CNTNAP4: variants seen among roughly 807,000 people sequenced by gnomAD.
The protein encoded by CNTNAP4 is contactin associated protein family member 4, also known as contactin-associated protein-like 4.
CNTNAP4 carries 98 observed loss-of-function variants against 148.4 expected under a neutral mutation model. That is an observed-to-expected ratio of 0.66 (90% CI 0.56 to 0.78). The LOEUF (loss-of-function observed/expected upper bound fraction) is 0.78. Ranked by LOEUF, CNTNAP4 falls within the 30% of genes least tolerant of loss-of-function variation. CNTNAP4 has a pLI of 0.00. For synonymous variants in CNTNAP4, 730 were observed against 565.1 expected, an observed-to-expected ratio of 1.29 and a Z score of -4.14; for missense variants, 1,935 against 1,565.6, an observed-to-expected ratio of 1.24 and a Z score of -3.98.
At chr16:76,478,957 C>G (rs1474874775) in intron 11 of CNTNAP4, among the ~76,000 whole-genome samples, 1 of 151,974 alleles carries the variant, frequency 6.6e-6, no homozygotes, top group Non-Finnish European at 1.5e-5. Context: ...TAAAGTGTTT[C>G]TGTTGTATAA....
At chr16:76,359,063 G>C (rs529917060) in intron 3 of CNTNAP4, among the ~76,000 whole-genome samples, 1 of 152,260 alleles carries the variant, frequency 6.6e-6, no homozygotes, top group South Asian at 2.1e-4. Context: ...TTTTCTGCCT[G>C]GAAGAACACA....
At chr16:76,484,275 GAAAAAA>G (rs10622949) in intron 12 of CNTNAP4, among the ~76,000 whole-genome samples, 2 of 71,228 alleles carry the variant, frequency 2.8e-5, no homozygotes, top group East Asian at 9.5e-4. Context: ...GGAGAGAAAT[GAAAAAA>G]AAAAAAAAAA....
At chr16:76,372,059 A>G (rs1465128064) in intron 3 of CNTNAP4, among the ~76,000 whole-genome samples, 1 of 151,808 alleles carries the variant, frequency 6.6e-6, no homozygotes, top group Non-Finnish European at 1.5e-5. Context: ...AATCAACCGA[A>G]TTTCCAATTC....
chr16:76,341,140 A>C (rs1198206938), intron 2 of CNTNAP4, among the ~76,000 whole-genome samples: 1 of 152,138 alleles, frequency 6.6e-6, no homozygotes, highest in Non-Finnish European at 1.5e-5. Context: ...CATTCCTGTT[A>C]GTCCTTCAGT....
At chr16:76,539,344 T>C (rs1175170400) in intron 19 of CNTNAP4, among the ~76,000 whole-genome samples, 2 of 152,054 alleles carry the variant, frequency 1.3e-5, no homozygotes, top group Non-Finnish European at 1.5e-5. Flanking sequence ...TTCCAGAGTG[T>C]GAGATATATT....
chr16:76,369,127 C>T (rs2014502936), intron 3 of CNTNAP4, among the ~76,000 whole-genome samples: 1 of 151,286 alleles, frequency 6.6e-6, no homozygotes, highest in Admixed American at 6.6e-5. Flanking sequence ...AAAGTATCTT[C>T]AACCTCATTC....
At chr16:76,488,721 G>A (rs2082111342) in intron 12 of CNTNAP4, among the ~76,000 whole-genome samples, 2 of 152,226 alleles carry the variant, frequency 1.3e-5, no homozygotes, top group South Asian at 4.1e-4. Context: ...TAAATCAGAG[G>A]CTTTTTGATT....
At chr16:76,471,101 CACAA>C (rs2081356545) in intron 10 of CNTNAP4, among the ~76,000 whole-genome samples, 2 of 152,064 alleles carry the variant, frequency 1.3e-5, no homozygotes, top group South Asian at 2.1e-4. Context: ...CGCAAACACA[CACAA>C]ACACACACAT....
chr16:76,493,905 T>C (rs1198022823), intron 13 of CNTNAP4, among the ~76,000 whole-genome samples: 3 of 152,222 alleles, frequency 2.0e-5, no homozygotes, highest in African/African-American at 7.2e-5. Flanking sequence ...CATTGGCATT[T>C]ATAAGCAAGG....
intron 1 of CNTNAP4, among the ~76,000 whole-genome samples, chr16:76,281,649 G>T (rs561074686): frequency 1.3e-5 from 2 of 151,942 alleles, no homozygotes; most frequent in African/African-American, 2.4e-5. Context: ...TTTTGTTAAA[G>T]AAAATAGATT....
intron 2 of CNTNAP4, among the ~76,000 whole-genome samples, chr16:76,329,242 T>C (rs1043006760): frequency 1.2e-4 from 19 of 152,142 alleles, no homozygotes; most frequent in Admixed American, 7.9e-4. Context: ...GATGGGTGTT[T>C]AGGCATCCAT....
At chr16:76,380,245 G>C (rs907671164) in intron 3 of CNTNAP4, among the ~76,000 whole-genome samples, 1 of 152,138 alleles carries the variant, frequency 6.6e-6, no homozygotes, top group African/African-American at 2.4e-5. Context: ...ATGGAAATCA[G>C]GTGAAGTTGA....
At chr16:76,441,334 C>G (rs2080030819) in intron 4 of CNTNAP4, among the ~76,000 whole-genome samples, 2 of 152,172 alleles carry the variant, frequency 1.3e-5, no homozygotes, top group Admixed American at 6.6e-5. Context: ...AATACTACAT[C>G]TGACACAACT....
At chr16:76,484,821 T>C (rs2081968223) in intron 12 of CNTNAP4, among the ~76,000 whole-genome samples, 1 of 152,220 alleles carries the variant, frequency 6.6e-6, no homozygotes. Flanking sequence ...AGATCAGGTA[T>C]AATGACTGCT....
At chr16:76,325,265 G>A (rs567735751) in intron 2 of CNTNAP4, among the ~76,000 whole-genome samples, 96 of 152,114 alleles carry the variant, frequency 6.3e-4, no homozygotes, top group South Asian at 1.0e-3. Flanking sequence ...ATTAAAATAT[G>A]TAATGTATAT....
At chr16:76,318,838 AT>A (rs1405136453) in intron 2 of CNTNAP4, among the ~76,000 whole-genome samples, 2 of 151,264 alleles carry the variant, frequency 1.3e-5, no homozygotes, top group Non-Finnish European at 2.9e-5. Flanking sequence ...TTCTCATAAT[AT>A]TTCAGTCAGG....
At chr16:76,532,799 G>A (rs1487654464) in intron 17 of CNTNAP4, among the ~76,000 whole-genome samples, 1 of 152,054 alleles carries the variant, frequency 6.6e-6, no homozygotes, top group African/African-American at 2.4e-5. Context: ...TTTGAGCCCT[G>A]GGAGCTCACT....
intron 7 of CNTNAP4, among the ~76,000 whole-genome samples, chr16:76,450,687 C>A (rs1291422334): frequency 6.6e-6 from 1 of 152,178 alleles, no homozygotes; most frequent in Non-Finnish European, 1.5e-5. Flanking sequence ...GGTTGTGTTA[C>A]AATATTGCAT....
intron 23 of CNTNAP4, 198 bp from the exon 24 acceptor site, chr16:76,558,292 C>T (rs1332173690): frequency 6.2e-6 from 3 of 483,954 alleles, no homozygotes; most frequent in Non-Finnish European, 1.1e-5. Context: ...ACCCACAAGG[C>T]TGATAGAACT....
Sources: gnomAD v4.1 joint callset for allele counts (sites outside exome capture counted in the v4.1 genomes callset) on GRCh38, gnomAD v4.1.1 for gene constraint, MANE v1.5 for transcripts, NCBI Gene and HGNC (gene_info 2026-07-23, HGNC 2026-07-21) for gene names.